The following PIEZO2 variants were observed in gnomAD, a reference collection of about 807,000 sequenced individuals.
PIEZO2 encodes piezo-type mechanosensitive ion channel component 2.
A neutral mutation model predicts 337.3 loss-of-function variants in PIEZO2; 172 were observed. That is an observed-to-expected ratio of 0.51 (90% confidence interval 0.45 to 0.58). The LOEUF is 0.58. Among genes scored for constraint, PIEZO2 ranks in the 20% least tolerant of loss-of-function variants. The pLI is 0.00. For missense variants in PIEZO2, 3,028 were observed against 3,391.3 expected, an observed-to-expected ratio of 0.89 and a Z score of 2.66; for synonymous variants, 1,251 against 1,228.5, an observed-to-expected ratio of 1.02 and a Z score of -0.38.
chr18:10,998,477 T>G (rs1598804805), intron 2 of PIEZO2, among the ~76,000 whole-genome samples: 1 of 152,094 alleles, frequency 6.6e-6, no homozygotes, highest in East Asian at 1.9e-4. Context: ...CAGAAATAAT[T>G]GAGGGTATTA....
intron 13 of PIEZO2, among the ~76,000 whole-genome samples, chr18:10,792,888 C>T (rs981286823): frequency 2.0e-5 from 3 of 152,198 alleles, no homozygotes; most frequent in African/African-American, 7.2e-5. Flanking sequence ...TTTACATTCC[C>T]ACCAGCAGTG....
At chr18:11,011,925 G>A (rs1384562796) in intron 2 of PIEZO2, among the ~76,000 whole-genome samples, 3 of 152,184 alleles carry the variant, frequency 2.0e-5, no homozygotes, top group South Asian at 2.1e-4. Flanking sequence ...AGGCTGCAGC[G>A]AGCTATGATC....
chr18:11,091,691 C>T (rs12970407), intron 1 of PIEZO2, among the ~76,000 whole-genome samples: 6 of 152,060 alleles, frequency 3.9e-5, no homozygotes, highest in African/African-American at 1.5e-4. Flanking sequence ...GTCTGGCATA[C>T]GGCTTGTCCA....
rs933463322 is a variant in PIEZO2, at chr18:10,927,301, G to A, written c.287-16073C>T. Among the ~76,000 whole-genome samples the A allele has an allele frequency of 5.9e-5, 9 of 152,078 alleles. No individual in the cohort carries two copies. In the South Asian group the frequency reaches 1.9e-3, roughly 32 times the overall value. On this transcript the variant is annotated intron_variant, in intron 3 of 55. Coordinates refer to ENST00000674853, the MANE Select transcript of PIEZO2 (RefSeq NM_001378183.1). Reference sequence around the variant, plus strand: ...AAGTTCTTGGCTCAGCAAAGCCTCCGAGGAGGACTCTGATTTACGCACAGA... The same window carrying A: ...AAGTTCTTGGCTCAGCAAAGCCTCCAAGGAGGACTCTGATTTACGCACAGA...
At chr18:10,699,260 C>A in intron 43 of PIEZO2, 83 bp from the exon 44 acceptor site, 2 of 1,495,842 alleles carry the variant, frequency 1.3e-6, no homozygotes, top group Non-Finnish European at 8.9e-7. Context: ...TCTCATCCAA[C>A]AAACTGTCCT....
At chr18:10,987,438 T>G (rs539329241) in intron 2 of PIEZO2, among the ~76,000 whole-genome samples, 1 of 152,214 alleles carries the variant, frequency 6.6e-6, no homozygotes, top group African/African-American at 2.4e-5. Context: ...TGACAAGGGC[T>G]CTTAAGAATA....
intron 3 of PIEZO2, among the ~76,000 whole-genome samples, chr18:10,927,698 G>A (rs1392007328): frequency 6.6e-6 from 1 of 151,978 alleles, no homozygotes; most frequent in Non-Finnish European, 1.5e-5. Flanking sequence ...GTATTTAATC[G>A]TACCTAAAAT....
At chr18:11,136,994 T>C (rs911406091) in intron 1 of PIEZO2, among the ~76,000 whole-genome samples, 2 of 152,206 alleles carry the variant, frequency 1.3e-5, no homozygotes, top group African/African-American at 4.8e-5. Flanking sequence ...TGTCTAGTAA[T>C]AAGCTATGGG....
intron 36 of PIEZO2, among the ~76,000 whole-genome samples, chr18:10,719,951 A>G (rs770115966): frequency 6.6e-6 from 1 of 152,092 alleles, no homozygotes; most frequent in Non-Finnish European, 1.5e-5. Flanking sequence ...AGACCCAGGG[A>G]TGAGGCTAGA....
chr18:10,871,152 C>T (rs1421511615), intron 5 of PIEZO2, 101 bp downstream of exon 5: 18 of 1,203,760 alleles, frequency 1.5e-5, no homozygotes, highest in East Asian at 2.6e-5. Context: ...TGAATCATAA[C>T]GTGCTCTGTA....
In PIEZO2 at chr18:10,748,394, C is replaced by T; in HGVS notation, c.4424+77G>A. On this transcript the variant is annotated intron_variant, in intron 30 of 55. Transcript: ENST00000674853. The surrounding 1 kb of genome is among the most constrained non-coding windows in gnomAD (Gnocchi z 5.1). The stretch of plus-strand genomic sequence containing the variant: ...TTCTTGTGGGTTCTAGAAGCAAGCT[C>T]AGACAGAAATGATAGTGCAATATTA... 13 of 1,403,570 alleles carry T rather than the reference C, an allele frequency of 9.3e-6. No individual in the cohort carries two copies. Among genetic ancestry groups the T allele is most frequent in the Non-Finnish European group, 1.3e-5 (13 of 1,038,772 alleles). 86.9% of individuals were successfully genotyped at this position (1,403,570 alleles called of 1,614,324 possible).
At chr18:10,885,936 C>A (rs1358426365) in intron 4 of PIEZO2, among the ~76,000 whole-genome samples, 1 of 152,058 alleles carries the variant, frequency 6.6e-6, no homozygotes, top group Admixed American at 6.5e-5. Flanking sequence ...CTATTCAAGT[C>A]AAGTACATAG....
Position 10,770,280 on chromosome 18 carries a change from A to C in PIEZO2, c.2814T>G (p.Ile938Met). The stretch of plus-strand genomic sequence containing the variant: ...TTAAGAAGAGCACAGTGAGGCGGTC[A>C]ATCACCAGGTGCCATTTGTTCCTTA... ...SDLRNKWHLVIDRLTVLFLKF... is the reference protein window; with the variant it reads ...SDLRNKWHLVMDRLTVLFLKF... Residue 938 changes from isoleucine (I) to methionine (M), a missense_variant, in exon 21 of 56, where the codon ATT becomes ATG. Ile to Met is a conservative substitution (Grantham distance 10). Transcript: ENST00000674853. The C allele has an allele frequency of 6.5e-7, 1 of 1,537,730 alleles. No homozygotes were observed.
In PIEZO2 at chr18:11,096,990, C is replaced by A. The variant is rs1367805586; in HGVS notation, c.65-30768G>T. On this transcript the variant is annotated intron_variant, in intron 1 of 55. Transcript: ENST00000674853. This position sits in a 1 kb window ranked among gnomAD's most constrained non-coding sequence, Gnocchi z 4.6. ...GTCTAGGAAAGATTTAAATGCCTAA[C>A]GCCAGCAAGGCTTTTCCTCTAGGAC... Among the ~76,000 whole-genome samples the A allele has an allele frequency of 6.6e-6, 1 of 152,160 alleles. No homozygotes were observed. The highest frequency in any genetic ancestry group is 6.5e-5 in the Admixed American group (1 of 15,272).
intron 2 of PIEZO2, among the ~76,000 whole-genome samples, chr18:11,056,216 GC>G (rs2037729066): frequency 6.6e-6 from 1 of 152,174 alleles, no homozygotes; most frequent in Non-Finnish European, 1.5e-5. Flanking sequence ...GGTCCAGGCT[GC>G]CCCTGGCCGG....
intron 44 of PIEZO2, 43 bp downstream of exon 44, chr18:10,698,882 C>G: frequency 6.5e-7 from 1 of 1,531,796 alleles, no homozygotes; most frequent in South Asian, 1.2e-5. Context: ...ACAAGGCCAC[C>G]TGGGAGCTAA....
At position 10,969,839 on chromosome 18, in the gene PIEZO2, C is replaced by A. The variant is rs111470761; in HGVS notation, c.286+9696G>T. 0.02 allele frequency among the ~76,000 whole-genome samples: 3,008 copies of A among 152,142 alleles called. 110 individuals carry two copies. Among genetic ancestry groups the A allele is most frequent in the African/African-American group, 0.068 (2,823 of 41,478 alleles). On this transcript the variant is annotated intron_variant, in intron 3 of 55. Transcript: ENST00000674853. The surrounding 1 kb of genome is among the most constrained non-coding windows in gnomAD (Gnocchi z 4.5). ...CTTGCAGGTCCAGCAGGTGAGGACA[C>A]CACCGAGAATCGGTCACAAAACAAA...
Position 10,859,332 on chromosome 18 carries a change from A to G in PIEZO2, c.493-2121T>C, listed in dbSNP as rs1247305700. Reference sequence around the variant, plus strand: ...AGAACAATTCCCATCTCATTCTCAGAGGATGACCTTGCTTTCTACTGCTCC... The same window carrying G: ...AGAACAATTCCCATCTCATTCTCAGGGGATGACCTTGCTTTCTACTGCTCC... On this transcript the variant is annotated intron_variant, in intron 5 of 55. Coordinates refer to ENST00000674853, the MANE Select transcript of PIEZO2 (RefSeq NM_001378183.1). This position sits in a 1 kb window ranked among gnomAD's most constrained non-coding sequence, Gnocchi z 4.9. Among the ~76,000 whole-genome samples the G allele has an allele frequency of 2.0e-5, 3 of 152,196 alleles. No individual in the cohort carries two copies. The highest frequency in any genetic ancestry group is 2.0e-4 in the Admixed American group (3 of 15,286).
Position 11,007,412 on chromosome 18 carries a change from G to T in PIEZO2, c.161-27752C>A, listed in dbSNP as rs76327170. On this transcript the variant is annotated intron_variant, in intron 2 of 55. Coordinates refer to ENST00000674853, the MANE Select transcript of PIEZO2 (RefSeq NM_001378183.1). ...GTTTTAGCAAATGTATGCATATAGG[G>T]TTCCACCACGAGAATCAGGATCTGG... Among the ~76,000 whole-genome samples, 5 of 152,196 alleles carry T rather than the reference G, an allele frequency of 3.3e-5. No individual in the cohort carries two copies. In the East Asian group the frequency reaches 5.8e-4, roughly 18 times the overall value.
Sources: allele counts gnomAD v4.1 joint callset (sites outside exome capture counted in the v4.1 genomes callset), GRCh38; gene constraint gnomAD v4.1.1; non-coding constraint Gnocchi (gnomAD v3.1); transcripts MANE v1.5; gene names NCBI Gene and HGNC (gene_info 2026-07-23, HGNC 2026-07-21).